The following KANK1 variants were observed in gnomAD, a reference collection of about 807,000 sequenced individuals.
KANK1 encodes the protein KN motif and ankyrin repeat domain-containing protein 1.
A neutral mutation model predicts 106.2 loss-of-function variants in KANK1; 109 were observed. That is an observed-to-expected ratio of 1.03 (90% CI 0.88 to 1.20). The LOEUF is 1.20. Among genes scored for constraint, KANK1 ranks in the 50% most tolerant of loss-of-function variants. KANK1 has a pLI of 0.00. For missense variants in KANK1, 2,399 were observed against 1,710.7 expected (o/e 1.40, Z -7.10); for synonymous variants, 873 against 652.2 (o/e 1.34, Z -5.16).
chr9:536,911 A>G (rs1316994582), intron 1 of KANK1, among the ~76,000 whole-genome samples: 1 of 152,142 alleles, frequency 6.6e-6, no homozygotes. Context: ...CTAATCAAGC[A>G]TTTTATTCAG....
intron 2 of KANK1, among the ~76,000 whole-genome samples, chr9:472,717 GA>G (rs2058042428): frequency 6.6e-6 from 1 of 152,210 alleles, no homozygotes; most frequent in Admixed American, 6.5e-5. Flanking sequence ...AGTGTAAAAG[GA>G]AATGCAGGTT....
chr9:644,198 T>G (rs1465983052), intron 1 of KANK1, among the ~76,000 whole-genome samples: 2 of 151,008 alleles, frequency 1.3e-5, no homozygotes, highest in Non-Finnish European at 2.9e-5. Context: ...GCAGATCCTA[T>G]CCTAGCCTTG....
intron 1 of KANK1, among the ~76,000 whole-genome samples, chr9:526,400 C>T (rs978956931): frequency 7.3e-5 from 11 of 151,484 alleles, no homozygotes; most frequent in Admixed American, 1.3e-4. Flanking sequence ...TGGGAAAAAC[C>T]CTTGAATATT....
intron 7 of KANK1, among the ~76,000 whole-genome samples, chr9:736,627 G>A (rs1164349797): frequency 6.6e-6 from 1 of 151,834 alleles, no homozygotes; most frequent in African/African-American, 2.4e-5. Context: ...GGAGGCCCAG[G>A]AAGTTCAGGC....
intron 3 of KANK1, among the ~76,000 whole-genome samples, chr9:719,611 A>G (rs1195851542): frequency 1.3e-5 from 2 of 152,234 alleles, no homozygotes; most frequent in African/African-American, 4.8e-5. Context: ...ATTTTTTTAA[A>G]TTGATTTTCT....
At chr9:677,063 A>G in intron 2 of KANK1, 54 bp downstream of exon 2, 5 of 1,500,720 alleles carry the variant, frequency 3.3e-6, no homozygotes, top group Non-Finnish European at 3.7e-6. Context: ...TCTCAAACTA[A>G]TTTTTTATTC....
chr9:544,122 G>T (rs2060782788), intron 1 of KANK1, among the ~76,000 whole-genome samples: 1 of 152,114 alleles, frequency 6.6e-6, no homozygotes, highest in African/African-American at 2.4e-5. Context: ...CTAGGCTCAA[G>T]TGATCTTCCC....
intron 1 of KANK1, among the ~76,000 whole-genome samples, chr9:531,675 GC>G (rs905568142): frequency 1.2e-4 from 19 of 152,176 alleles, no homozygotes; most frequent in Non-Finnish European, 2.5e-4. Flanking sequence ...CAGCATTGGT[GC>G]CTTTCTTTCT....
intron 1 of KANK1, among the ~76,000 whole-genome samples, chr9:528,234 C>T (rs2059892541): frequency 6.6e-6 from 1 of 151,506 alleles, no homozygotes; most frequent in African/African-American, 2.4e-5. Context: ...CAATGGCCTT[C>T]TCAAACTGGG....
At chr9:674,726 G>A (rs1220779698) in intron 1 of KANK1, among the ~76,000 whole-genome samples, 1 of 152,026 alleles carries the variant, frequency 6.6e-6, no homozygotes, top group African/African-American at 2.4e-5. Flanking sequence ...TGTTTTTTGA[G>A]ACAGTCTCGT....
chr9:537,859 A>G lies in KANK1; in HGVS notation c.-84+33105A>G, dbSNP rs148623937. On this transcript the variant is annotated intron_variant, in intron 1 of 11. Coordinates refer to ENST00000382297, the MANE Select transcript of KANK1 (RefSeq NM_015158.5). ...TGCTGAGGTGGAGAACTCTTGATTG[A>G]GAAAGGAGTGTTTTCTATTTTACTT... 1.0e-3 allele frequency among the ~76,000 whole-genome samples: 152 copies of G among 152,328 alleles called. 4 individuals carry two copies. The highest frequency in any genetic ancestry group is 3.5e-3 in the African/African-American group (145 of 41,572).
chr9:511,508 G>C (rs1313440381), intron 1 of KANK1, among the ~76,000 whole-genome samples: 2 of 152,150 alleles, frequency 1.3e-5, no homozygotes, highest in Non-Finnish European at 2.9e-5. Context: ...GATAATAAAA[G>C]CATCTCCTTT....
chr9:518,320 T>C (rs2059386028), intron 1 of KANK1, among the ~76,000 whole-genome samples: 1 of 151,774 alleles, frequency 6.6e-6, no homozygotes, highest in South Asian at 2.1e-4. Context: ...GTTCACATGT[T>C]GAAGTCTGTA....
intron 3 of KANK1, among the ~76,000 whole-genome samples, chr9:498,721 G>GT (rs1389351869): frequency 5.3e-5 from 8 of 152,330 alleles, no homozygotes; most frequent in Admixed American, 5.2e-4. Flanking sequence ...TAAAGCCACA[G>GT]TGAGATACTA....
intron 2 of KANK1, among the ~76,000 whole-genome samples, chr9:697,188 A>T (rs1439150203): frequency 6.6e-6 from 1 of 151,772 alleles, no homozygotes; most frequent in Non-Finnish European, 1.5e-5. Context: ...TTTCATGGCC[A>T]TGATGGTTTT....
At chr9:663,747 C>T (rs1467639530) in intron 1 of KANK1, among the ~76,000 whole-genome samples, 1 of 152,142 alleles carries the variant, frequency 6.6e-6, no homozygotes, top group East Asian at 1.9e-4. Flanking sequence ...GCAGAGCCAG[C>T]ACGGGATTCT....
In KANK1 at chr9:667,071, G is replaced by C. The variant is rs1381960022; in HGVS notation, c.-83-9819G>C. Among the ~76,000 whole-genome samples, 5 of 150,948 alleles carry C rather than the reference G, an allele frequency of 3.3e-5. No homozygotes were observed. In the East Asian group the frequency reaches 9.7e-4, roughly 29 times the overall value. On this transcript the variant is annotated intron_variant, in intron 1 of 11. Transcript: ENST00000382297. ...TTGAAATGTTTAATAGAATTAATCA[G>C]ATCCTCGACTTTTCTTTGATAGGAG...
chr9:739,842 T>C (rs1203425758), intron 8 of KANK1, among the ~76,000 whole-genome samples: 4 of 141,528 alleles, frequency 2.8e-5, no homozygotes, highest in Admixed American at 1.4e-4. Context: ...TCAGCATCTA[T>C]GCAGAGCAGA....
chr9:580,382 A>C (rs1821756039), intron 1 of KANK1, among the ~76,000 whole-genome samples: 1 of 152,118 alleles, frequency 6.6e-6, no homozygotes, highest in South Asian at 2.1e-4. Context: ...ACACTGTGGG[A>C]GGGGACCTGA....
Sources: allele counts gnomAD v4.1 joint callset (sites outside exome capture counted in the v4.1 genomes callset), GRCh38; gene constraint gnomAD v4.1.1; transcripts MANE v1.5; gene names NCBI Gene and HGNC (gene_info 2026-07-23, HGNC 2026-07-21).